SSBP2: variants seen among roughly 807,000 people sequenced by gnomAD.
SSBP2 encodes the protein single stranded DNA binding protein 2.
SSBP2 carries 17 observed loss-of-function variants against 61.8 expected under a neutral mutation model. The ratio of observed to expected loss-of-function variants is 0.28; its 90% CI spans 0.19 to 0.41. The LOEUF (loss-of-function observed/expected upper bound fraction) is 0.41, where lower values mean the gene tolerates loss of function less well. Ranked by LOEUF, SSBP2 falls within the 10% of genes least tolerant of loss-of-function variation. SSBP2 has a pLI of 1.00. For missense variants in SSBP2, 310 were observed against 458.7 expected, an observed-to-expected ratio of 0.68 and a Z score of 2.96; for synonymous variants, 139 against 141.3, an observed-to-expected ratio of 0.98 and a Z score of 0.12.
intron 2 of SSBP2, among the ~76,000 whole-genome samples, chr5:81,647,088 C>G (rs1346459808): frequency 1.3e-5 from 2 of 152,136 alleles, no homozygotes; most frequent in Non-Finnish European, 2.9e-5. Flanking sequence ...CTCCAGGCTT[C>G]CATCTTTTAA....
At chr5:81,732,421 CATA>C (rs1399208691) in intron 1 of SSBP2, among the ~76,000 whole-genome samples, 5 of 152,146 alleles carry the variant, frequency 3.3e-5, no homozygotes, top group East Asian at 1.9e-4. Context: ...AGCATCTTTT[CATA>C]ATGTTTTAAA....
upstream of SSBP2, chr5:81,751,280 C>T (rs1431376920): frequency 1.7e-6 from 1 of 578,194 alleles, no homozygotes; most frequent in Admixed American, 3.1e-5. Flanking sequence ...CCCTCCTTCC[C>T]TCCCTCCCCG....
intron 4 of SSBP2, 172 bp downstream of exon 4, chr5:81,615,301 T>G: frequency 3.2e-6 from 2 of 617,636 alleles, no homozygotes; most frequent in Non-Finnish European, 5.7e-6. Flanking sequence ...AAGACTCAAA[T>G]GCCCCTTTCT....
intron 8 of SSBP2, among the ~76,000 whole-genome samples, chr5:81,473,287 C>T (rs1315840952): frequency 6.6e-6 from 1 of 152,110 alleles, no homozygotes; most frequent in Non-Finnish European, 1.5e-5. Context: ...AAGTGCAGAA[C>T]GTGTAGGTTT....
chr5:81,433,355 A>G (rs1188575522), intron 15 of SSBP2, among the ~76,000 whole-genome samples: 1 of 152,122 alleles, frequency 6.6e-6, no homozygotes, highest in Non-Finnish European at 1.5e-5. Flanking sequence ...ACTCAGGGTT[A>G]AATGGATTAA....
At chr5:81,668,937 T>C (rs1444010291) in intron 1 of SSBP2, among the ~76,000 whole-genome samples, 2 of 152,136 alleles carry the variant, frequency 1.3e-5, no homozygotes, top group Admixed American at 6.5e-5. Flanking sequence ...ACTGTGTCTC[T>C]ACCATCTCAG....
intron 1 of SSBP2, among the ~76,000 whole-genome samples, chr5:81,741,160 T>C (rs1012802217): frequency 6.6e-6 from 1 of 152,198 alleles, no homozygotes; most frequent in Non-Finnish European, 1.5e-5. Context: ...TTTCCCCATA[T>C]GTAAAATGGG....
intron 12 of SSBP2, among the ~76,000 whole-genome samples, chr5:81,445,261 T>C (rs1408008524): frequency 2.1e-5 from 3 of 146,034 alleles, no homozygotes; most frequent in African/African-American, 7.5e-5. Context: ...TCCTTTCTTG[T>C]GGGTGGGGTG....
At chr5:81,435,284 T>TG (rs1351363025) in intron 15 of SSBP2, among the ~76,000 whole-genome samples, 6 of 152,254 alleles carry the variant, frequency 3.9e-5, no homozygotes, top group African/African-American at 1.4e-4. Context: ...TGTTTATCTT[T>TG]GGATTTTTAG....
At chr5:81,592,268 G>A (rs1386920665) in intron 4 of SSBP2, among the ~76,000 whole-genome samples, 2 of 152,226 alleles carry the variant, frequency 1.3e-5, no homozygotes, top group African/African-American at 2.4e-5. Context: ...AAACTGCAAG[G>A]CAGCAGCGAG....
intron 1 of SSBP2, among the ~76,000 whole-genome samples, chr5:81,655,285 C>A (rs1304517839): frequency 6.6e-6 from 1 of 151,604 alleles, no homozygotes; most frequent in African/African-American, 2.4e-5. Flanking sequence ...TCCTTTTTTT[C>A]ATCTTTAAGA....
intron 4 of SSBP2, among the ~76,000 whole-genome samples, chr5:81,521,301 C>T (rs1769464250): frequency 6.6e-6 from 1 of 151,856 alleles, no homozygotes; most frequent in Admixed American, 6.6e-5. Context: ...TTGTTTTTAT[C>T]ATCTCTTCTT....
In SSBP2 at chr5:81,554,014, A is replaced by G. The variant is rs543201620; in HGVS notation, c.283-40297T>C. Among the ~76,000 whole-genome samples, 13 of 152,212 alleles carry G rather than the reference A, an allele frequency of 8.5e-5. No individual in the cohort carries two copies. The East Asian group carries it at 2.5e-3, about 29-fold the overall frequency. ...GAACTAATAAACTTCCCCTCCCCCA[A>G]ATGCCATTAGAGACTTCCTGAATAA... On this transcript the variant is annotated intron_variant, in intron 4 of 16. Coordinates refer to ENST00000320672, the MANE Select transcript of SSBP2 (RefSeq NM_012446.5).
intron 4 of SSBP2, among the ~76,000 whole-genome samples, chr5:81,598,296 T>C (rs1420924588): frequency 6.6e-6 from 1 of 152,042 alleles, no homozygotes; most frequent in Admixed American, 6.6e-5. Context: ...AAATTTGCCA[T>C]ACAGAACACA....
intron 1 of SSBP2, among the ~76,000 whole-genome samples, chr5:81,717,433 T>G (rs987041684): frequency 6.6e-6 from 1 of 152,322 alleles, no homozygotes; most frequent in East Asian, 1.9e-4. Flanking sequence ...GTCCTTTGCC[T>G]CTGACTTAGG....
intron 1 of SSBP2, among the ~76,000 whole-genome samples, chr5:81,652,318 C>A (rs1163053241): frequency 1.3e-5 from 2 of 152,102 alleles, no homozygotes; most frequent in Non-Finnish European, 2.9e-5. Context: ...TCTAAGTTTT[C>A]TTTAGTACCT....
intron 1 of SSBP2, among the ~76,000 whole-genome samples, chr5:81,653,685 T>C (rs1225108463): frequency 6.6e-6 from 1 of 152,218 alleles, no homozygotes; most frequent in African/African-American, 2.4e-5. Flanking sequence ...GATTTGCATT[T>C]CTCTAATGTC....
At chr5:81,646,424 T>TAAAA (rs1749270552) in intron 2 of SSBP2, among the ~76,000 whole-genome samples, 2 of 152,086 alleles carry the variant, frequency 1.3e-5, no homozygotes, top group African/African-American at 4.8e-5. Context: ...GGAACTATTT[T>TAAAA]GATTTAGGTA....
intron 1 of SSBP2, among the ~76,000 whole-genome samples, chr5:81,683,794 A>G (rs1313294420): frequency 6.6e-6 from 1 of 152,240 alleles, no homozygotes; most frequent in Non-Finnish European, 1.5e-5. Context: ...TGATTAAAAA[A>G]TGAACAAAAA....
Sources: gnomAD v4.1 joint callset for allele counts (sites outside exome capture counted in the v4.1 genomes callset) on GRCh38, gnomAD v4.1.1 for gene constraint, MANE v1.5 for transcripts, NCBI Gene and HGNC (gene_info 2026-07-23, HGNC 2026-07-21) for gene names.